The following NAT1 variants were observed in gnomAD, a reference collection of about 807,000 sequenced individuals.
NAT1 encodes N-acetyltransferase 1, also known as arylamine N-acetyltransferase 1.
For synonymous variants in NAT1, 144 were observed against 122.6 expected (o/e 1.17, Z -1.16); for missense variants, 400 against 339.2 (o/e 1.18, Z -1.41).
intron 2 of NAT1, among the ~76,000 whole-genome samples, chr8:18,203,248 G>T (rs1310245584): frequency 1.3e-5 from 2 of 152,212 alleles, no homozygotes; most frequent in African/African-American, 4.8e-5. Flanking sequence ...AGTAAATGCT[G>T]AAATAAAATA....
At chr8:18,210,607 C>T (rs547253782) in intron 1 of NAT1, among the ~76,000 whole-genome samples, 1 of 152,252 alleles carries the variant, frequency 6.6e-6, no homozygotes, top group Non-Finnish European at 1.5e-5. Context: ...CGCTCACCCT[C>T]CTCTGTCCCC....
intron 1 of NAT1, among the ~76,000 whole-genome samples, chr8:18,217,886 T>C (rs901496427): frequency 9.2e-5 from 14 of 152,190 alleles, no homozygotes; most frequent in African/African-American, 3.1e-4. Context: ...TCTTGTATAA[T>C]AGGGGCAATT....
chr8:18,176,738 C>G (rs1378379800), intron 2 of NAT1, among the ~76,000 whole-genome samples: 1 of 151,294 alleles, frequency 6.6e-6, no homozygotes, highest in Middle Eastern at 3.2e-3. Context: ...GATTTTTTTT[C>G]TATTTTTATA....
intron 2 of NAT1, among the ~76,000 whole-genome samples, chr8:18,199,186 C>G (rs879534505): frequency 2.6e-5 from 4 of 151,694 alleles, no homozygotes; most frequent in Non-Finnish European, 4.4e-5. Context: ...TGGTGGCGCA[C>G]ATCTATAGTC....
chr8:18,196,615 A>T (rs191931352), intron 2 of NAT1, among the ~76,000 whole-genome samples: 6 of 152,286 alleles, frequency 3.9e-5, no homozygotes, highest in African/African-American at 7.2e-5. Flanking sequence ...CTGCATTTCA[A>T]TCTGAGAAAG....
chr8:18,191,467 TC>T (rs1448179824), intron 2 of NAT1, among the ~76,000 whole-genome samples: 1 of 152,120 alleles, frequency 6.6e-6, no homozygotes, highest in Non-Finnish European at 1.5e-5. Context: ...CCAATGACTT[TC>T]TTCACAGAAT....
At chr8:18,199,383 G>A (rs1803370443) in intron 2 of NAT1, among the ~76,000 whole-genome samples, 1 of 150,106 alleles carries the variant, frequency 6.7e-6, no homozygotes, top group Non-Finnish European at 1.5e-5. Flanking sequence ...TTTTGCCTCT[G>A]TAACTTGTTC....
intron 2 of NAT1, among the ~76,000 whole-genome samples, chr8:18,199,403 C>A (rs536616576): frequency 1.3e-5 from 2 of 151,710 alleles, no homozygotes; most frequent in Admixed American, 1.3e-4. Flanking sequence ...CTTCCATTTC[C>A]TTCCATGCCT....
chr8:18,174,213 T>A (rs1040892418), intron 2 of NAT1, among the ~76,000 whole-genome samples: 1 of 152,130 alleles, frequency 6.6e-6, no homozygotes, highest in African/African-American at 2.4e-5. Flanking sequence ...TTTCCCAGGG[T>A]GAGGGAAAAG....
Position 18,222,486 on chromosome 8 carries a change from C to A in NAT1, c.439C>A (p.Pro147Thr). ...TTCTGGGAAGGATCAGCCTCAGGTGCCTTGTGTCTTCCGTTTGACGGAAGA... is the reference window on the plus strand; with the variant it reads ...TTCTGGGAAGGATCAGCCTCAGGTGACTTGTGTCTTCCGTTTGACGGAAGA... The part of the protein sequence containing the change: ...LISGKDQPQV[P>T]CVFRLTEENG... The change falls in exon 3 of 3, where the codon CCT becomes ACT. Residue 147 changes from proline to threonine, a missense_variant. By Grantham distance (38) the Pro-to-Thr change is conservative. Transcript: ENST00000307719. 1 of 1,614,014 alleles carries A rather than the reference C, an allele frequency of 6.2e-7. No individual in the cohort carries two copies. Among genetic ancestry groups the A allele is most frequent in the African/African-American group, 1.3e-5 (1 of 74,984 alleles).
At chr8:18,202,955 T>C (rs1303226354) in intron 2 of NAT1, among the ~76,000 whole-genome samples, 1 of 152,118 alleles carries the variant, frequency 6.6e-6, no homozygotes, top group Non-Finnish European at 1.5e-5. Flanking sequence ...AGAGTACTGA[T>C]TGGTCGATTT....
intron 1 of NAT1, 31 bp from the exon 2 acceptor site, chr8:18,219,380 T>C (rs960411517): frequency 4.2e-6 from 6 of 1,423,552 alleles, no homozygotes; most frequent in Non-Finnish European, 5.8e-6. Flanking sequence ...TCATGTTATA[T>C]ATTTCTGACT....
chr8:18,174,420 TGTAAA>T (rs1424194325), intron 2 of NAT1, among the ~76,000 whole-genome samples: 5 of 152,262 alleles, frequency 3.3e-5, no homozygotes, highest in Middle Eastern at 3.4e-3. Flanking sequence ...TTTCCTCCTC[TGTAAA>T]GTAAAGTTCC....
intron 2 of NAT1, among the ~76,000 whole-genome samples, chr8:18,192,277 A>G (rs1803023199): frequency 6.6e-6 from 1 of 152,202 alleles, no homozygotes; most frequent in Admixed American, 6.5e-5. Flanking sequence ...ATGCAAATCA[A>G]AACCACAATG....
At chr8:18,173,419 C>G (rs532814500) in intron 2 of NAT1, among the ~76,000 whole-genome samples, 8 of 152,062 alleles carry the variant, frequency 5.3e-5, no homozygotes, top group Non-Finnish European at 1.5e-5. Context: ...ATTAAAAAAC[C>G]TCCAACATAT....
chr8:18,196,605 C>T (rs1293771048), intron 2 of NAT1, among the ~76,000 whole-genome samples: 1 of 152,162 alleles, frequency 6.6e-6, no homozygotes, highest in Non-Finnish European at 1.5e-5. Flanking sequence ...TGCATTTCTG[C>T]TGCATTTCAA....
At chr8:18,213,646 C>T (rs1804332495) in intron 1 of NAT1, among the ~76,000 whole-genome samples, 1 of 152,120 alleles carries the variant, frequency 6.6e-6, no homozygotes, top group Non-Finnish European at 1.5e-5. Context: ...ATTGAGCCAC[C>T]TGTAGTCTGG....
chr8:18,219,468 T>G lies in NAT1; in HGVS notation c.-28T>G. The G allele has an allele frequency of 6.5e-7, 1 of 1,550,086 alleles. No homozygotes were observed. Among genetic ancestry groups the G allele is most frequent in the Non-Finnish European group, 8.7e-7 (1 of 1,146,034 alleles). On this transcript the variant is annotated 5_prime_UTR_variant, in exon 2 of 3. Coordinates refer to ENST00000307719, the MANE Select transcript of NAT1 (RefSeq NM_000662.8). The stretch of plus-strand genomic sequence containing the variant: ...TCTGGATTAAAACTGAAGATCAACC[T>G]ACTTTCAACTTACTAAGAAAGGTAT...
intron 2 of NAT1, among the ~76,000 whole-genome samples, chr8:18,192,262 C>G (rs1360327893): frequency 2.9e-4 from 44 of 152,272 alleles, no homozygotes; most frequent in East Asian, 2.3e-3. Context: ...CTGGCCATCA[C>G]AGAAATGCAA....
Sources: gnomAD v4.1 joint callset for allele counts (sites outside exome capture counted in the v4.1 genomes callset) on GRCh38, gnomAD v4.1.1 for gene constraint, MANE v1.5 for transcripts, NCBI Gene and HGNC (gene_info 2026-07-23, HGNC 2026-07-21) for gene names.